Variants in UBE2N observed in about 807,000 individuals in gnomAD.
UBE2N encodes ubiquitin conjugating enzyme E2 N.
For missense variants in UBE2N, 60 were observed against 192.1 expected (o/e 0.31, Z 4.07); for synonymous variants, 70 against 69.2 (o/e 1.01, Z -0.06).
intron 1 of UBE2N, among the ~76,000 whole-genome samples, chr12:93,440,262 C>T (rs1160568940): frequency 6.6e-6 from 1 of 152,098 alleles, no homozygotes; most frequent in Non-Finnish European, 1.5e-5. Context: ...CCTTTGGGGA[C>T]CATGTGACTG....
At position 93,441,873 on chromosome 12, in the gene UBE2N, C is replaced by A. The variant is rs777715255; in HGVS notation, c.12G>T (p.Leu4=). The A allele has an allele frequency of 6.3e-7, 1 of 1,578,230 alleles. No individual in the cohort carries two copies. Among genetic ancestry groups the A allele is most frequent in the Non-Finnish European group, 8.6e-7 (1 of 1,164,864 alleles). The change falls in exon 1 of 4, where the codon CTG becomes CTT. Residue 4 remains leucine (L), a synonymous_variant. Transcript: ENST00000318066. ...CGGTTACCTTGATGATCCTGCGGGG[C>A]AGCCCGGCCATCTTGTCAGAACCCG... MAG[L]PRRIIKETQR...
At chr12:93,434,186 G>A (rs1270456572) in intron 1 of UBE2N, among the ~76,000 whole-genome samples, 1 of 152,228 alleles carries the variant, frequency 6.6e-6, no homozygotes, top group Non-Finnish European at 1.5e-5. Context: ...CAGCTACTCG[G>A]GAGGCTGAGG....
chr12:93,434,366 G>T (rs1166121387), intron 1 of UBE2N, among the ~76,000 whole-genome samples: 5 of 152,210 alleles, frequency 3.3e-5, no homozygotes, highest in Non-Finnish European at 7.3e-5. Flanking sequence ...CAAAGCAAAT[G>T]CATAACATTT....
intron 1 of UBE2N, among the ~76,000 whole-genome samples, chr12:93,440,588 G>C (rs1430953115): frequency 6.6e-6 from 1 of 152,178 alleles, no homozygotes; most frequent in Non-Finnish European, 1.5e-5. Context: ...CTTCCACTTA[G>C]TATGCATCTC....
chr12:93,427,793 A>G (rs949967050), intron 1 of UBE2N, among the ~76,000 whole-genome samples: 5 of 152,274 alleles, frequency 3.3e-5, no homozygotes, highest in African/African-American at 1.2e-4. Flanking sequence ...TTTTCCTTCA[A>G]TATTCAGTGA....
At chr12:93,419,254 G>A (rs1284154699) in intron 1 of UBE2N, among the ~76,000 whole-genome samples, 19 of 152,148 alleles carry the variant, frequency 1.2e-4, no homozygotes, top group Admixed American at 1.1e-3. Flanking sequence ...GCCAGGCCTC[G>A]TGCTGCATGC....
intron 1 of UBE2N, among the ~76,000 whole-genome samples, chr12:93,431,141 C>T (rs1878758242): frequency 6.6e-6 from 1 of 152,090 alleles, no homozygotes; most frequent in African/African-American, 2.4e-5. Context: ...GCAGGAGAAT[C>T]GCTTGAACCT....
At chr12:93,431,365 T>C (rs1428184695) in intron 1 of UBE2N, among the ~76,000 whole-genome samples, 1 of 152,196 alleles carries the variant, frequency 6.6e-6, no homozygotes, top group East Asian at 1.9e-4. Flanking sequence ...GCACTGCCAG[T>C]TATTATCTAG....
intron 1 of UBE2N, among the ~76,000 whole-genome samples, chr12:93,434,371 A>G (rs558603592): frequency 2.3e-3 from 347 of 152,356 alleles, no homozygotes; most frequent in Non-Finnish European, 3.9e-3. Flanking sequence ...CAAATGCATA[A>G]CATTTCCAGT....
chr12:93,407,337 A>G lies in UBE2N; in HGVS notation c.*2702T>C, dbSNP rs963606874. The G allele has an allele frequency of 6.6e-6, 1 of 152,236 alleles. No homozygotes were observed. The highest frequency in any genetic ancestry group is 2.4e-5 in the African/African-American group (1 of 41,442). 9.4% of individuals were successfully genotyped at this position (152,236 alleles called of 1,614,324 possible). A position where few individuals can be genotyped will look rare whatever the true frequency, so the allele number is the denominator to read the frequency against. On this transcript the variant is annotated 3_prime_UTR_variant, in exon 4 of 4. Transcript: ENST00000318066. ...GTCTGTCCCCCTTCCCCATTAGAGT[A>G]TATGGTCCCCAAAGGAAAGCCCCAT...
At position 93,409,047 on chromosome 12, in the gene UBE2N, G is replaced by C. The variant is rs909272929; in HGVS notation, c.*992C>G. 2.0e-5 allele frequency: 3 copies of C among 152,492 alleles called. No homozygotes were observed. Among genetic ancestry groups the C allele is most frequent in the African/African-American group, 7.2e-5 (3 of 41,390 alleles). The allele number at this position is 152,492 out of a possible 1,614,324, so 9.4% of individuals were successfully genotyped here. On this transcript the variant is annotated 3_prime_UTR_variant, in exon 4 of 4. Coordinates refer to ENST00000318066, the MANE Select transcript of UBE2N (RefSeq NM_003348.4). Reference sequence around the variant, plus strand: ...CTGTACAGTAATTTTTAAACATTGTGGCAAGACACCAATGATCATCTAATC... The same window carrying C: ...CTGTACAGTAATTTTTAAACATTGTCGCAAGACACCAATGATCATCTAATC...
At chr12:93,425,424 T>C (rs1465526433) in intron 1 of UBE2N, among the ~76,000 whole-genome samples, 1 of 152,206 alleles carries the variant, frequency 6.6e-6, no homozygotes, top group Non-Finnish European at 1.5e-5. Flanking sequence ...ACAGTAGGAA[T>C]GAACCTTCTG....
chr12:93,441,704 ACTTCCCTC>A, intron 1 of UBE2N, 143 bp downstream of exon 1: 1 of 1,065,770 alleles, frequency 9.4e-7, no homozygotes, highest in Non-Finnish European at 1.3e-6. Flanking sequence ...TCAGCACCCG[ACTTCCCTC>A]GCCGCCGCGG....
intron 1 of UBE2N, 69 bp downstream of exon 1, chr12:93,441,786 G>A (rs1402336798): frequency 2.0e-5 from 31 of 1,561,602 alleles, no homozygotes; most frequent in Non-Finnish European, 2.7e-5. Context: ...GAGGCGAGAG[G>A]CCGCGCTGCC....
chr12:93,417,932 A>G (rs535366577), intron 1 of UBE2N, among the ~76,000 whole-genome samples: 1 of 152,324 alleles, frequency 6.6e-6, no homozygotes, highest in South Asian at 2.1e-4. Flanking sequence ...ATTCTTCATT[A>G]TGTACACAAC....
intron 1 of UBE2N, among the ~76,000 whole-genome samples, chr12:93,422,125 T>G (rs1016138789): frequency 6.6e-6 from 1 of 152,194 alleles, no homozygotes; most frequent in Non-Finnish European, 1.5e-5. Context: ...TTTCCAAATA[T>G]TGGCATCACA....
chr12:93,441,515 G>A (rs1296187404), intron 1 of UBE2N, among the ~76,000 whole-genome samples: 3 of 151,184 alleles, frequency 2.0e-5, no homozygotes, highest in Non-Finnish European at 4.4e-5. Context: ...CGGCGGGGGG[G>A]TGGTCTCAGA....
At chr12:93,439,820 G>A (rs529406781) in intron 1 of UBE2N, among the ~76,000 whole-genome samples, 1 of 152,138 alleles carries the variant, frequency 6.6e-6, no homozygotes, top group African/African-American at 2.4e-5. Flanking sequence ...CCCAAATCAA[G>A]GTGTCATTCA....
chr12:93,425,610 A>C (rs952373584), intron 1 of UBE2N, among the ~76,000 whole-genome samples: 4 of 152,178 alleles, frequency 2.6e-5, no homozygotes, highest in African/African-American at 9.7e-5. Flanking sequence ...AACCCCACAG[A>C]GTAAGGAAAA....
Sources: allele counts gnomAD v4.1 joint callset (sites outside exome capture counted in the v4.1 genomes callset), GRCh38; gene constraint gnomAD v4.1.1; transcripts MANE v1.5; gene names NCBI Gene and HGNC (gene_info 2026-07-23, HGNC 2026-07-21).